Variants in NKAIN1 observed in about 807,000 individuals in gnomAD.
NKAIN1 encodes sodium/potassium-transporting ATPase subunit beta-1-interacting protein 1.
NKAIN1 carries 13 observed loss-of-function variants against 31.6 expected under a neutral mutation model. That is an observed-to-expected ratio of 0.41 (90% CI 0.27 to 0.65). The LOEUF (loss-of-function observed/expected upper bound fraction) is 0.65, where lower values mean the gene tolerates loss of function less well. Ranked by LOEUF, NKAIN1 falls within the 30% of genes least tolerant of loss-of-function variation. NKAIN1 has a pLI of 0.30. For synonymous variants in NKAIN1, 104 were observed against 109.0 expected, an observed-to-expected ratio of 0.95 and a Z score of 0.28; for missense variants, 193 against 262.2, an observed-to-expected ratio of 0.74 and a Z score of 1.82.
chr1:31,208,433 C>G (rs562735990), intron 1 of NKAIN1, among the ~76,000 whole-genome samples: 22 of 152,290 alleles, frequency 1.4e-4, no homozygotes, highest in African/African-American at 5.3e-4. Flanking sequence ...AGATTTCTTT[C>G]ATTCTTTCCA....
intron 1 of NKAIN1, among the ~76,000 whole-genome samples, chr1:31,238,778 G>C (rs1313446251): frequency 2.0e-5 from 3 of 152,150 alleles, no homozygotes; most frequent in Non-Finnish European, 4.4e-5. Context: ...CCAGACCAAA[G>C]CAGGAAGTGT....
At chr1:31,189,608 C>A (rs972753119) in intron 1 of NKAIN1, among the ~76,000 whole-genome samples, 1 of 152,216 alleles carries the variant, frequency 6.6e-6, no homozygotes. Flanking sequence ...TGAGCCACTG[C>A]GCCCAGCCAA....
rs551880539 is a variant in NKAIN1 at position 31,205,471 on chromosome 1, G to A, written c.55-17284C>T. On this transcript the variant is annotated intron_variant, in intron 1 of 6. Coordinates refer to ENST00000373736, the MANE Select transcript of NKAIN1 (RefSeq NM_024522.3). ...CTACGGGCACGCCCCACCATGCCCA[G>A]ATAATTTTTGTATTTTTAGTAGAGA... 1.1e-4 allele frequency among the ~76,000 whole-genome samples: 16 copies of A among 152,212 alleles called. No homozygotes were observed. In the South Asian group the frequency reaches 3.3e-3, roughly 32 times the overall value.
intron 1 of NKAIN1, among the ~76,000 whole-genome samples, chr1:31,208,680 C>A (rs1444038229): frequency 1.3e-5 from 2 of 152,098 alleles, no homozygotes; most frequent in East Asian, 3.9e-4. Flanking sequence ...GTTTGTTAGG[C>A]CACAGGCCTC....
intron 1 of NKAIN1, among the ~76,000 whole-genome samples, chr1:31,190,786 G>C (rs914970766): frequency 6.6e-6 from 1 of 152,138 alleles, no homozygotes; most frequent in Non-Finnish European, 1.5e-5. Context: ...TCTGTCTGCT[G>C]CTCCTATCCC....
At chr1:31,237,489 A>G (rs898096572) in intron 1 of NKAIN1, among the ~76,000 whole-genome samples, 2 of 142,062 alleles carry the variant, frequency 1.4e-5, no homozygotes, top group South Asian at 2.2e-4. Context: ...GTCTAGTTAT[A>G]GAGAGAAGAA....
chr1:31,194,461 C>T (rs2148352289), intron 1 of NKAIN1, among the ~76,000 whole-genome samples: 1 of 139,276 alleles, frequency 7.2e-6, no homozygotes, highest in South Asian at 2.3e-4. Flanking sequence ...GGCTGGAGTG[C>T]AATGGCGTGA....
At chr1:31,190,437 C>A (rs573407485) in intron 1 of NKAIN1, among the ~76,000 whole-genome samples, 2 of 152,350 alleles carry the variant, frequency 1.3e-5, no homozygotes, top group East Asian at 3.9e-4. Context: ...GGAAAGAGAA[C>A]ATGAGGCTCA....
intron 1 of NKAIN1, among the ~76,000 whole-genome samples, chr1:31,198,893 G>A (rs187843381): frequency 1.3e-5 from 2 of 152,298 alleles, no homozygotes; most frequent in East Asian, 1.9e-4. Flanking sequence ...GAGGGACAAG[G>A]GCTGAATAAT....
At chr1:31,185,869 G>C (rs1338911712) in intron 2 of NKAIN1, among the ~76,000 whole-genome samples, 1 of 152,122 alleles carries the variant, frequency 6.6e-6, no homozygotes, top group Non-Finnish European at 1.5e-5. Context: ...CGAGGACTCT[G>C]ACTGCCTGGC....
At position 31,188,272 on chromosome 1, in the gene NKAIN1, C is replaced by T. The variant is rs1645260199; in HGVS notation, c.55-85G>A. On this transcript the variant is annotated intron_variant, in intron 1 of 6. Transcript: ENST00000373736. ...CTGCTTGACCTTGGGGAGCAGGTGG[C>T]ACCAGTTACCATGGTGATGAGGCAT... The T allele has an allele frequency of 9.7e-6, 14 of 1,438,754 alleles. No homozygotes were observed. In the East Asian group the frequency reaches 3.0e-4, roughly 30 times the overall value. 89.1% of individuals were successfully genotyped at this position (1,438,754 alleles called of 1,614,324 possible).
Position 31,181,655 on chromosome 1 carries a change from G to A in NKAIN1, c.*48C>T. The A allele has an allele frequency of 7.0e-7, 1 of 1,430,298 alleles. No homozygotes were observed. The highest frequency in any genetic ancestry group is 9.2e-7 in the Non-Finnish European group (1 of 1,085,774). The allele number at this position is 1,430,298 out of a possible 1,614,324, so 88.6% of individuals were successfully genotyped here. On this transcript the variant is annotated 3_prime_UTR_variant, in exon 7 of 7. Coordinates refer to ENST00000373736, the MANE Select transcript of NKAIN1 (RefSeq NM_024522.3). ...TGCGCCTTGGCCCGAGCTCGCGGCA[G>A]CTGCGGTCAGCCCAGGGCGAGGCGC...
chr1:31,221,437 C>CAT (rs907650174), intron 1 of NKAIN1, among the ~76,000 whole-genome samples: 5 of 152,036 alleles, frequency 3.3e-5, no homozygotes, highest in South Asian at 4.2e-4. Context: ...CCTGGAAATC[C>CAT]ATATATATAT....
At chr1:31,219,910 G>A (rs1265673853) in intron 1 of NKAIN1, among the ~76,000 whole-genome samples, 1 of 152,122 alleles carries the variant, frequency 6.6e-6, no homozygotes, top group Non-Finnish European at 1.5e-5. Flanking sequence ...GCAAATGAGT[G>A]CAGTAAGGTC....
chr1:31,197,544 C>CTTTTTT (rs1292159325), intron 1 of NKAIN1, among the ~76,000 whole-genome samples: 1 of 47,816 alleles, frequency 2.1e-5, no homozygotes, highest in African/African-American at 5.3e-5. Context: ...CCGTGCCCGG[C>CTTTTTT]CTTTTTTTTT....
intron 1 of NKAIN1, among the ~76,000 whole-genome samples, chr1:31,192,492 G>A (rs1362114719): frequency 6.6e-6 from 1 of 152,154 alleles, no homozygotes; most frequent in Non-Finnish European, 1.5e-5. Flanking sequence ...GGGTATTCAG[G>A]GCTATGACCC....
intron 1 of NKAIN1, among the ~76,000 whole-genome samples, chr1:31,235,627 C>G (rs1268144340): frequency 6.6e-6 from 1 of 152,090 alleles, no homozygotes; most frequent in Non-Finnish European, 1.5e-5. Flanking sequence ...CAGTGAGACG[C>G]CTATCTCTAA....
chr1:31,184,135 C>T (rs1645224684), intron 3 of NKAIN1, 121 bp from the exon 4 acceptor site: 1 of 771,476 alleles, frequency 1.3e-6, no homozygotes, highest in African/African-American at 1.8e-5. Context: ...CCTGCAAGTC[C>T]ATATTTGACC....
At chr1:31,224,887 G>T (rs1645590646) in intron 1 of NKAIN1, among the ~76,000 whole-genome samples, 1 of 152,286 alleles carries the variant, frequency 6.6e-6, no homozygotes, top group South Asian at 2.1e-4. Flanking sequence ...GCAACCTGAG[G>T]GGGGCAGTGC....
Sources: gnomAD v4.1 joint callset for allele counts (sites outside exome capture counted in the v4.1 genomes callset) on GRCh38, gnomAD v4.1.1 for gene constraint, MANE v1.5 for transcripts, NCBI Gene and HGNC (gene_info 2026-07-23, HGNC 2026-07-21) for gene names.